Variants in DST observed in about 807,000 individuals in gnomAD.
DST encodes the protein bullous pemphigoid antigen.
Under a neutral mutation model 875.2 loss-of-function variants are expected in DST, and 253 were observed. The ratio of observed to expected loss-of-function variants is 0.29; its 90% CI spans 0.26 to 0.32. The LOEUF (loss-of-function observed/expected upper bound fraction) is 0.32. DST is among the 10% of genes least tolerant of loss of function. The probability of loss-of-function intolerance (pLI) is 1.00; values close to 1 mark genes in which losing one functional copy is unlikely to be tolerated. For synonymous variants in DST, 3,124 were observed against 3,197.1 expected (o/e 0.98, Z 0.77); for missense variants, 8,287 against 9,111.6 (o/e 0.91, Z 3.68).
rs1259974233 is a variant in DST, at chr6:56,497,442, C to T, written c.20160G>A (p.Leu6720=). 1.2e-6 allele frequency: 2 copies of T among 1,613,112 alleles called. No individual in the cohort carries two copies. Among genetic ancestry groups the T allele is most frequent in the African/African-American group, 2.7e-5 (2 of 74,868 alleles). The part of the protein sequence containing the change: ...QQWLTDTERH[L]LASKPLGGLP... Reference sequence around the variant, plus strand: ...AACCTCCCAGCGGTTTAGATGCCAACAGATGACGCTCCGTGTCAGTCAGCC... The same window carrying T: ...AACCTCCCAGCGGTTTAGATGCCAATAGATGACGCTCCGTGTCAGTCAGCC... Residue 6720 remains leucine, a synonymous_variant, in exon 82 of 104, where the codon CTG becomes CTA. Coordinates refer to ENST00000680361, the MANE Select transcript of DST (RefSeq NM_001374736.1).
rs371859960 is a variant in DST, at chr6:56,610,517, A to G, written c.5193T>C (p.Thr1731=). 4 of 1,563,980 alleles carry G rather than the reference A, an allele frequency of 2.6e-6. No homozygotes were observed. The highest frequency in any genetic ancestry group is 3.5e-6 in the Non-Finnish European group (4 of 1,154,840). The change falls in exon 39 of 104, where the codon ACT becomes ACC. Residue 1731 remains threonine (T), a synonymous_variant. Transcript: ENST00000680361. ...ATAATAAATTATAACTTTCCTGAAG[A>G]GTTTTCACTTGTTTTTCCAATTCAT... ...ERNELEKQVK[T]LQESYNLLFS...
At chr6:56,785,607 C>T (rs1365046731) in intron 4 of DST, among the ~76,000 whole-genome samples, 2 of 152,112 alleles carry the variant, frequency 1.3e-5, no homozygotes, top group South Asian at 2.1e-4. Context: ...TTCCAGGTGC[C>T]GTCTGTCACC....
At chr6:56,543,004 G>A (rs916239395) in intron 61 of DST, among the ~76,000 whole-genome samples, 3 of 152,218 alleles carry the variant, frequency 2.0e-5, no homozygotes, top group Admixed American at 1.3e-4. Context: ...AAAGCAGGCC[G>A]AGTCCGGCCA....
intron 7 of DST, among the ~76,000 whole-genome samples, chr6:56,702,536 A>G (rs1379960673): frequency 6.6e-6 from 1 of 152,098 alleles, no homozygotes; most frequent in Non-Finnish European, 1.5e-5. Context: ...ACCAATTAAA[A>G]CCATATATTT....
At chr6:56,490,312 A>G (rs1389349815) in intron 85 of DST, among the ~76,000 whole-genome samples, 1 of 152,168 alleles carries the variant, frequency 6.6e-6, no homozygotes, top group African/African-American at 2.4e-5. Flanking sequence ...GATTTTGAGC[A>G]CAGTTTCTTT....
In DST at chr6:56,515,681, A is replaced by G. The variant is rs546159578; in HGVS notation, c.18358-13T>C. The G allele has an allele frequency of 5.2e-5, 81 of 1,569,372 alleles. No homozygotes were observed. The African/African-American group carries it at 9.9e-4, about 19-fold the overall frequency. On this transcript the variant is annotated splice_polypyrimidine_tract_variant and intron_variant, in intron 71 of 103. Transcript: ENST00000680361. Reference sequence around the variant, plus strand: ...TGTCCAGTTTTTTCTAGAAAATAAAAGGATGAAATGTTTAACTGGTCAGGC... The same window carrying G: ...TGTCCAGTTTTTTCTAGAAAATAAAGGGATGAAATGTTTAACTGGTCAGGC...
chr6:56,638,148 A>G (rs2098844356), intron 22 of DST, among the ~76,000 whole-genome samples: 1 of 152,108 alleles, frequency 6.6e-6, no homozygotes, highest in Non-Finnish European at 1.5e-5. Context: ...GATCAGAGTG[A>G]CATTCACATG....
chr6:56,471,050 TG>T (rs915485728), intron 95 of DST, 55 bp downstream of exon 95: 10 of 1,517,890 alleles, frequency 6.6e-6, no homozygotes, highest in Non-Finnish European at 8.1e-6. Flanking sequence ...ACTTTTAAAA[TG>T]TGCTTATTTC....
intron 63 of DST, 79 bp downstream of exon 63, chr6:56,535,043 A>T: frequency 6.6e-7 from 1 of 1,520,800 alleles, no homozygotes; most frequent in Non-Finnish European, 9.0e-7. Flanking sequence ...CCTATTAATT[A>T]AAAGAGTCAC....
chr6:56,851,964 TCCC>T, intron 3 of DST: 1 of 1,480,772 alleles, frequency 6.8e-7, no homozygotes, highest in Non-Finnish European at 8.9e-7. Flanking sequence ...AGTATTTGGC[TCCC>T]CCACCAGGAC....
chr6:56,782,092 A>G (rs1386087260), intron 4 of DST, among the ~76,000 whole-genome samples: 3 of 152,130 alleles, frequency 2.0e-5, no homozygotes, highest in Non-Finnish European at 4.4e-5. Context: ...CATGGTGGAT[A>G]AGCTTTTCGA....
At chr6:56,561,979 T>C (rs918874522) in intron 56 of DST, among the ~76,000 whole-genome samples, 159 bp downstream of exon 56, 13 of 152,158 alleles carry the variant, frequency 8.5e-5, no homozygotes, top group Admixed American at 5.9e-4. Context: ...AAAAATGTTA[T>C]ATAAATATAA....
intron 2 of DST, among the ~76,000 whole-genome samples, chr6:56,910,301 G>A (rs1687022843): frequency 6.6e-6 from 1 of 151,998 alleles, no homozygotes; most frequent in Admixed American, 6.6e-5. Context: ...TGAGCAGCTG[G>A]GAATACCTGT....
intron 10 of DST, among the ~76,000 whole-genome samples, chr6:56,656,613 T>C (rs1263964191): frequency 1.3e-5 from 2 of 152,176 alleles, no homozygotes; most frequent in Admixed American, 1.3e-4. Flanking sequence ...GTTATATAAC[T>C]TGACCAAGAA....
chr6:56,482,552 C>T, intron 89 of DST, 131 bp downstream of exon 89: 1 of 840,088 alleles, frequency 1.2e-6, no homozygotes, highest in Non-Finnish European at 1.8e-6. Flanking sequence ...GGCAATGTTG[C>T]TATTAGAATT....
At chr6:56,645,045 G>A (rs942711921) in intron 15 of DST, among the ~76,000 whole-genome samples, 6 of 152,214 alleles carry the variant, frequency 3.9e-5, no homozygotes, top group African/African-American at 1.4e-4. Context: ...CTCCTCATTC[G>A]CCTTCCACCA....
intron 58 of DST, 42 bp downstream of exon 58, chr6:56,560,252 G>C (rs750475084): frequency 4.0e-5 from 60 of 1,506,558 alleles, no homozygotes; most frequent in Non-Finnish European, 5.2e-5. Context: ...AAAAATGATT[G>C]CACTTTTCTT....
At chr6:56,939,714 C>T (rs989993602) in intron 2 of DST, among the ~76,000 whole-genome samples, 3 of 151,758 alleles carry the variant, frequency 2.0e-5, no homozygotes, top group Non-Finnish European at 2.9e-5. Flanking sequence ...CTATAGATTA[C>T]TCTTCCAATA....
chr6:56,896,258 C>T (rs1191938913), intron 3 of DST, among the ~76,000 whole-genome samples: 1 of 152,034 alleles, frequency 6.6e-6, no homozygotes, highest in Middle Eastern at 3.2e-3. Context: ...CCAGAATTCC[C>T]ACGTGTTGTG....
Sources: gnomAD v4.1 joint callset for allele counts (sites outside exome capture counted in the v4.1 genomes callset) on GRCh38, gnomAD v4.1.1 for gene constraint, MANE v1.5 for transcripts, NCBI Gene and HGNC (gene_info 2026-07-23, HGNC 2026-07-21) for gene names.